The following SFMBT2 variants were observed in gnomAD, a reference collection of about 807,000 sequenced individuals.
The protein encoded by SFMBT2 is scm-like with four MBT domains protein 2.
Under a neutral mutation model 110.1 loss-of-function variants are expected in SFMBT2, and 38 were observed. That is an observed-to-expected ratio of 0.35 (90% CI 0.27 to 0.45). The LOEUF (loss-of-function observed/expected upper bound fraction) is 0.45. Ranked by LOEUF, SFMBT2 falls within the 20% of genes least tolerant of loss-of-function variation. The probability of loss-of-function intolerance (pLI) is 1.00; values close to 1 mark genes in which losing one functional copy is unlikely to be tolerated. For synonymous variants in SFMBT2, 425 were observed against 425.4 expected, an observed-to-expected ratio of 1.00 and a Z score of 0.01; for missense variants, 1,011 against 1,094.9, an observed-to-expected ratio of 0.92 and a Z score of 1.08.
intron 4 of SFMBT2, among the ~76,000 whole-genome samples, chr10:7,309,294 T>C (rs1842783184): frequency 6.6e-6 from 1 of 152,188 alleles, no homozygotes; most frequent in Non-Finnish European, 1.5e-5. Context: ...GTGTAAACAT[T>C]TGTGGACTGA....
intron 9 of SFMBT2, among the ~76,000 whole-genome samples, chr10:7,232,835 G>A (rs982689968): frequency 3.3e-5 from 5 of 152,030 alleles, no homozygotes; most frequent in African/African-American, 7.2e-5. Context: ...GGCATTGGTC[G>A]ATCAATCCAG....
At chr10:7,217,267 G>A (rs1245471465) in intron 11 of SFMBT2, among the ~76,000 whole-genome samples, 1 of 152,084 alleles carries the variant, frequency 6.6e-6, no homozygotes, top group African/African-American at 2.4e-5. Flanking sequence ...ATATAACTGT[G>A]TAAATAAACT....
rs60780145 is a variant in SFMBT2 at position 7,315,026 on chromosome 10, GAAA to G, written c.437-29075_437-29073del. On this transcript the variant is annotated intron_variant, in intron 4 of 20. Transcript: ENST00000397167. ...AAGAAAGAAAGAAAGAAAAGAGAGA[GAAA>G]GAAAGAAAGAGAAAGAAAGAAAGAA... Among the ~76,000 whole-genome samples, 1,045 of 134,064 alleles carry G rather than the reference GAAA, an allele frequency of 7.8e-3. 10 individuals are homozygous for G. Among genetic ancestry groups the G allele is most frequent in the Non-Finnish European group, 0.012 (751 of 62,720 alleles). The allele number at this position is 134,064 out of a possible 152,430, so 88.0% of individuals were successfully genotyped here. A position where few individuals can be genotyped will look rare whatever the true frequency, so the allele number is the denominator to read the frequency against.
chr10:7,259,110 T>C lies in SFMBT2; in HGVS notation c.871-10461A>G, dbSNP rs201804099. On this transcript the variant is annotated intron_variant, in intron 7 of 20. Transcript: ENST00000397167. ...GGGCCCCTAAATGCATTAACTCAAC[T>C]GCTGTCATGGAAACATGACGCCAGC... Among the ~76,000 whole-genome samples, 51 of 152,276 alleles carry C rather than the reference T, an allele frequency of 3.3e-4. 1 individual carries two copies. The East Asian group carries it at 5.2e-3, about 16-fold the overall frequency.
At chr10:7,212,144 G>A (rs1283111454) in intron 11 of SFMBT2, among the ~76,000 whole-genome samples, 2 of 152,194 alleles carry the variant, frequency 1.3e-5, no homozygotes, top group Non-Finnish European at 2.9e-5. Flanking sequence ...ATAGGACCCC[G>A]TTGACTGGGA....
At chr10:7,177,116 C>T (rs770146592) in intron 16 of SFMBT2, among the ~76,000 whole-genome samples, 6 of 152,094 alleles carry the variant, frequency 3.9e-5, no homozygotes, top group East Asian at 1.9e-4. Context: ...TTGCTTTCTC[C>T]GAAGCAGTAA....
chr10:7,409,635 T>G (rs1272928223), intron 1 of SFMBT2, among the ~76,000 whole-genome samples: 2 of 151,652 alleles, frequency 1.3e-5, no homozygotes, highest in Non-Finnish European at 1.5e-5. Context: ...ACACAGACTC[T>G]AACCACGGAA....
intron 4 of SFMBT2, among the ~76,000 whole-genome samples, chr10:7,360,177 AGT>A (rs148106270): frequency 0.071 from 10,803 of 152,298 alleles, 516 homozygotes; most frequent in Non-Finnish European, 0.11. Context: ...GACCAAAGAG[AGT>A]GTGTGGGGCC....
At chr10:7,229,594 CAAAAAA>C (rs527488752) in intron 9 of SFMBT2, among the ~76,000 whole-genome samples, 1 of 116,498 alleles carries the variant, frequency 8.6e-6, no homozygotes, top group Non-Finnish European at 1.8e-5. Flanking sequence ...GACTCCATCT[CAAAAAA>C]AAAAAAAAAG....
intron 11 of SFMBT2, among the ~76,000 whole-genome samples, chr10:7,209,785 G>A (rs1208022300): frequency 1.3e-5 from 2 of 152,230 alleles, no homozygotes; most frequent in African/African-American, 4.8e-5. Flanking sequence ...CAGGAGTGGA[G>A]GGAGAATCTG....
Position 7,287,077 on chromosome 10 carries a change from CT to C in SFMBT2, c.437-1124del, listed in dbSNP as rs761728311. On this transcript the variant is annotated intron_variant, in intron 4 of 20. Coordinates refer to ENST00000397167, the MANE Select transcript of SFMBT2 (RefSeq NM_001387889.1). ...CAAGGAAGGAATGTATTTGAGGCAT[CT>C]TTTTTTTTTTTTTTTTTTTTTGAGA... 7.6e-3 allele frequency among the ~76,000 whole-genome samples: 762 copies of C among 99,646 alleles called. 1 individual carries two copies. The highest frequency in any genetic ancestry group is 0.017 in the African/African-American group (444 of 26,212). The allele number at this position is 99,646 out of a possible 152,430, so 65.4% of individuals were successfully genotyped here.
At chr10:7,334,942 C>A (rs1427916686) in intron 4 of SFMBT2, among the ~76,000 whole-genome samples, 1 of 152,170 alleles carries the variant, frequency 6.6e-6, no homozygotes, top group African/African-American at 2.4e-5. Context: ...CTGAAACAGG[C>A]CTGACACAGC....
chr10:7,176,348 C>T, intron 16 of SFMBT2, 183 bp from the exon 17 acceptor site: 3 of 583,478 alleles, frequency 5.1e-6, no homozygotes, highest in Non-Finnish European at 6.5e-6. Flanking sequence ...CACTAGTGTG[C>T]AACAAATGTG....
At chr10:7,247,660 T>C (rs780667310) in intron 8 of SFMBT2, among the ~76,000 whole-genome samples, 31 of 152,216 alleles carry the variant, frequency 2.0e-4, no homozygotes, top group Non-Finnish European at 4.3e-4. Flanking sequence ...CCCGTATCTT[T>C]AAGAAAAAGA....
chr10:7,304,399 C>A (rs1011769827), intron 4 of SFMBT2, among the ~76,000 whole-genome samples: 1 of 152,192 alleles, frequency 6.6e-6, no homozygotes, highest in African/African-American at 2.4e-5. Flanking sequence ...GTCCATTAAA[C>A]CTCTTTTTTT....
In SFMBT2 at chr10:7,246,064, G is replaced by A. The variant is rs1049535406; in HGVS notation, c.973-2359C>T. On this transcript the variant is annotated intron_variant, in intron 8 of 20. Transcript: ENST00000397167. ...CATGAAGATGAGTCTTGAACCTGGA[G>A]AGGTGCCTACCTAGGTTCTAAAAGA... 3.1e-5 allele frequency: 19 copies of A among 619,686 alleles called. No individual in the cohort carries two copies. The African/African-American group carries it at 3.8e-4, about 12-fold the overall frequency. The allele number at this position is 619,686 out of a possible 1,614,324, so 38.4% of individuals were successfully genotyped here. A position where few individuals can be genotyped will look rare whatever the true frequency, so the allele number is the denominator to read the frequency against.
intron 4 of SFMBT2, among the ~76,000 whole-genome samples, chr10:7,341,633 T>C (rs1843907463): frequency 6.6e-6 from 1 of 152,214 alleles, no homozygotes; most frequent in Non-Finnish European, 1.5e-5. Flanking sequence ...AGACCCTCTT[T>C]AAATACCAGA....
chr10:7,379,155 C>T (rs1005288877), intron 2 of SFMBT2, among the ~76,000 whole-genome samples: 9 of 152,086 alleles, frequency 5.9e-5, no homozygotes, highest in Admixed American at 2.0e-4. Flanking sequence ...CCTATCATCG[C>T]GAGTCAGTTC....
intron 8 of SFMBT2, among the ~76,000 whole-genome samples, chr10:7,244,921 G>A (rs1053903195): frequency 2.6e-5 from 4 of 152,116 alleles, no homozygotes; most frequent in Non-Finnish European, 5.9e-5. Flanking sequence ...GGTCATGTCC[G>A]AGAGCCCTGT....
Sources: allele counts gnomAD v4.1 joint callset (sites outside exome capture counted in the v4.1 genomes callset), GRCh38; gene constraint gnomAD v4.1.1; transcripts MANE v1.5; gene names NCBI Gene and HGNC (gene_info 2026-07-23, HGNC 2026-07-21).